The following LARGE1 variants were observed in gnomAD, a reference collection of about 807,000 sequenced individuals.
The protein encoded by LARGE1 is LARGE xylosyl- and glucuronyltransferase 1.
Under a neutral mutation model 87.6 loss-of-function variants are expected in LARGE1, and 43 were observed. The ratio of observed to expected loss-of-function variants is 0.49; its 90% CI spans 0.38 to 0.63. The LOEUF (loss-of-function observed/expected upper bound fraction) is 0.63. LARGE1 is among the 30% of genes least tolerant of loss of function. The pLI is 0.00. For synonymous variants in LARGE1, 434 were observed against 394.6 expected (o/e 1.10, Z -1.18); for missense variants, 802 against 1,000.2 (o/e 0.80, Z 2.67).
At chr22:33,271,857 A>G (rs980464493), downstream of LARGE1, among the ~76,000 whole-genome samples, 4 of 152,224 alleles carry the variant, frequency 2.6e-5, no homozygotes, top group African/African-American at 9.7e-5. Context: ...ATTGGCTTAC[A>G]GTGTAAGGCA....
chr22:33,283,796 AAG>A (rs1334586443), intron 12 of LARGE1, among the ~76,000 whole-genome samples: 1 of 149,864 alleles, frequency 6.7e-6, no homozygotes, highest in African/African-American at 2.5e-5. Context: ...GGGGGGAAGA[AAG>A]AGAAAGAAAG....
intron 3 of LARGE1, among the ~76,000 whole-genome samples, chr22:33,632,274 C>T (rs1457666099): frequency 6.6e-6 from 1 of 152,192 alleles, no homozygotes; most frequent in Non-Finnish European, 1.5e-5. Flanking sequence ...AGGCATGCGG[C>T]CATCATGCCC....
chr22:33,513,362 G>C (rs1473490789), intron 6 of LARGE1, among the ~76,000 whole-genome samples: 1 of 152,186 alleles, frequency 6.6e-6, no homozygotes, highest in East Asian at 1.9e-4. Flanking sequence ...CTTTGGCTGA[G>C]ATTCCTCTGT....
chr22:33,116,756 C>G, the LARGE1 span, among the ~76,000 whole-genome samples: 2 of 152,086 alleles, frequency 1.3e-5, no homozygotes, highest in East Asian at 1.9e-4. Flanking sequence ...ATTTTTAGCA[C>G]GCTGTGAGGT....
chr22:33,794,744 C>T (rs542438624), intron 1 of LARGE1, among the ~76,000 whole-genome samples: 11 of 152,212 alleles, frequency 7.2e-5, no homozygotes, highest in African/African-American at 2.4e-4. Flanking sequence ...CTCAGCCTCC[C>T]GAGTAGCTGG....
Position 33,372,279 on chromosome 22 carries a change from T to A in LARGE1, c.1131+9640A>T, listed in dbSNP as rs185465409. Among the ~76,000 whole-genome samples, 350 of 152,226 alleles carry A rather than the reference T, an allele frequency of 2.3e-3. 3 individuals carry two copies. Among genetic ancestry groups the A allele is most frequent in the East Asian group, 8.3e-3 (43 of 5,184 alleles). On this transcript the variant is annotated intron_variant, in intron 9 of 14. Coordinates refer to ENST00000397394, the MANE Select transcript of LARGE1 (RefSeq NM_133642.5). ...CTGATATGTGACAGAGAATTCAAAA[T>A]TTTTGGCTTCCTAGGTTTTCACTAG...
intron 5 of LARGE1, among the ~76,000 whole-genome samples, chr22:33,603,086 GA>G (rs2079154621): frequency 8.1e-3 from 2 of 248 alleles, no homozygotes; most frequent in Admixed American, 0.062. Context: ...GCTCAGAATA[GA>G]TTGGGAATGG....
At chr22:33,627,077 G>A (rs2079944470) in intron 3 of LARGE1, among the ~76,000 whole-genome samples, 1 of 152,186 alleles carries the variant, frequency 6.6e-6, no homozygotes, top group Non-Finnish European at 1.5e-5. Context: ...TACCAAAAAA[G>A]GTCCTCCAGA....
At chr22:33,714,335 T>C (rs2082848513) in intron 2 of LARGE1, among the ~76,000 whole-genome samples, 1 of 152,192 alleles carries the variant, frequency 6.6e-6, no homozygotes. Context: ...TAGAGGCAGA[T>C]AAGGCTGGTT....
At chr22:33,855,488 G>C (rs55883936) in intron 1 of LARGE1, among the ~76,000 whole-genome samples, 8,040 of 152,226 alleles carry the variant, frequency 0.053, 696 homozygotes, top group African/African-American at 0.18. Flanking sequence ...AGAGACCTCA[G>C]GGTCTGGAGG....
In LARGE1 at chr22:33,920,458, G is replaced by A. The variant is rs1451265402; in HGVS notation, c.-546C>T. 6.8e-6 allele frequency: 1 copy of A among 147,402 alleles called. No individual in the cohort carries two copies. Among genetic ancestry groups the A allele is most frequent in the Non-Finnish European group, 1.5e-5 (1 of 66,426 alleles). 9.1% of individuals were successfully genotyped at this position (147,402 alleles called of 1,614,324 possible). ...TCGGGCGCCCGGGCTCCGGCGCGGC[G>A]GCGGGGCAGGAGCAGACTGGCCGGG... On this transcript the variant is annotated 5_prime_UTR_variant, in exon 1 of 15. Coordinates refer to ENST00000397394, the MANE Select transcript of LARGE1 (RefSeq NM_133642.5).
intron 13 of LARGE1, 68 bp downstream of exon 13, chr22:33,283,134 C>A: frequency 6.3e-7 from 1 of 1,593,866 alleles, no homozygotes; most frequent in South Asian, 1.1e-5. Context: ...ATAGCTTTGG[C>A]ATCTGGGTTT....
chr22:33,327,675 C>T (rs1006851897), intron 10 of LARGE1, among the ~76,000 whole-genome samples: 2 of 152,174 alleles, frequency 1.3e-5, no homozygotes, highest in Non-Finnish European at 2.9e-5. Context: ...CCCACCACAA[C>T]CTCCTGAGTA....
chr22:33,676,591 A>AAC (rs577137163), intron 2 of LARGE1, among the ~76,000 whole-genome samples: 189 of 128,708 alleles, frequency 1.5e-3, no homozygotes, highest in African/African-American at 5.6e-3. Flanking sequence ...CACCACCAAC[A>AAC]AAAAAAAAAA....
chr22:33,438,595 T>C (rs1287624137), intron 6 of LARGE1, among the ~76,000 whole-genome samples: 3 of 152,168 alleles, frequency 2.0e-5, no homozygotes, highest in Non-Finnish European at 1.5e-5. Flanking sequence ...TCTCCTCTCT[T>C]CTTCCTTCTG....
At chr22:33,321,302 C>T (rs1936688758) in intron 10 of LARGE1, among the ~76,000 whole-genome samples, 1 of 152,216 alleles carries the variant, frequency 6.6e-6, no homozygotes, top group African/African-American at 2.4e-5. Flanking sequence ...GACTGTATGG[C>T]AAGATCCTGG....
At chr22:33,626,875 C>A (rs1305552955) in intron 3 of LARGE1, among the ~76,000 whole-genome samples, 1 of 152,200 alleles carries the variant, frequency 6.6e-6, no homozygotes, top group East Asian at 1.9e-4. Flanking sequence ...AAGGGGTCAT[C>A]TCAACTAAGT....
At chr22:33,600,537 G>C (rs2079086031) in intron 5 of LARGE1, among the ~76,000 whole-genome samples, 1 of 152,178 alleles carries the variant, frequency 6.6e-6, no homozygotes, top group Admixed American at 6.5e-5. Context: ...AAGTTTCCCT[G>C]AGTACACGTA....
At chr22:33,453,143 G>T (rs908304529) in intron 6 of LARGE1, among the ~76,000 whole-genome samples, 1 of 152,208 alleles carries the variant, frequency 6.6e-6, no homozygotes, top group African/African-American at 2.4e-5. Context: ...CAGGCCGGGC[G>T]TGGTGGCTCA....
Sources: allele counts gnomAD v4.1 joint callset (sites outside exome capture counted in the v4.1 genomes callset), GRCh38; gene constraint gnomAD v4.1.1; transcripts MANE v1.5; gene names NCBI Gene and HGNC (gene_info 2026-07-23, HGNC 2026-07-21).